Variants in MAST4 observed in about 807,000 individuals in gnomAD.
MAST4 encodes the protein microtubule associated serine/threonine kinase family member 4.
A neutral mutation model predicts 162.7 loss-of-function variants in MAST4; 89 were observed. That is an observed-to-expected ratio of 0.55 (90% CI 0.46 to 0.65). MAST4 has a LOEUF of 0.65. Among genes scored for constraint, MAST4 ranks in the 30% least tolerant of loss-of-function variants. The pLI is 0.00. For missense variants in MAST4, 3,153 were observed against 3,374.0 expected (o/e 0.93, Z 1.62); for synonymous variants, 1,479 against 1,361.1 (o/e 1.09, Z -1.91).
chr5:66,701,760 T>G (rs2149511795), intron 1 of MAST4, among the ~76,000 whole-genome samples: 1 of 152,260 alleles, frequency 6.6e-6, no homozygotes, highest in East Asian at 1.9e-4. Context: ...TTTTTTAACC[T>G]CCATCTATTA....
intron 1 of MAST4, among the ~76,000 whole-genome samples, chr5:66,755,340 G>C (rs1424774410): frequency 6.6e-6 from 1 of 152,194 alleles, no homozygotes; most frequent in African/African-American, 2.4e-5. Flanking sequence ...TTCTCTTTCT[G>C]CTTATATGAC....
chr5:67,083,083 A>C (rs764635225), intron 5 of MAST4, among the ~76,000 whole-genome samples: 2 of 152,330 alleles, frequency 1.3e-5, no homozygotes, highest in African/African-American at 4.8e-5. Context: ...CTACAGGCCA[A>C]GAGTTTCCAA....
chr5:66,751,889 A>T (rs1753198284), intron 1 of MAST4, among the ~76,000 whole-genome samples: 1 of 149,948 alleles, frequency 6.7e-6, no homozygotes, highest in African/African-American at 2.5e-5. Flanking sequence ...AAGGGCAGCC[A>T]GAGAGAAAGG....
chr5:67,082,960 G>C (rs1298147249), intron 5 of MAST4, among the ~76,000 whole-genome samples: 1 of 152,194 alleles, frequency 6.6e-6, no homozygotes, highest in South Asian at 2.1e-4. Context: ...CTGGGTGTTA[G>C]CATTTTTAAA....
intron 4 of MAST4, among the ~76,000 whole-genome samples, chr5:67,013,969 T>C (rs1275757763): frequency 1.3e-5 from 2 of 152,190 alleles, no homozygotes; most frequent in Non-Finnish European, 2.9e-5. Flanking sequence ...ACTTGAGATA[T>C]AATTCCTGTA....
At chr5:66,800,385 CT>C (rs1469020963) in intron 3 of MAST4, among the ~76,000 whole-genome samples, 3 of 152,152 alleles carry the variant, frequency 2.0e-5, no homozygotes, top group African/African-American at 7.2e-5. Context: ...AGATCATGTC[CT>C]TTGCAGAAAC....
At chr5:66,834,801 C>T (rs1488965944) in intron 3 of MAST4, among the ~76,000 whole-genome samples, 3 of 152,186 alleles carry the variant, frequency 2.0e-5, no homozygotes, top group Non-Finnish European at 4.4e-5. Context: ...GTTAGTTCAT[C>T]GCCTTCCATT....
chr5:66,661,207 C>G (rs1746887687), intron 1 of MAST4, among the ~76,000 whole-genome samples: 1 of 152,168 alleles, frequency 6.6e-6, no homozygotes, highest in African/African-American at 2.4e-5. Flanking sequence ...CAGTCCACAG[C>G]TGGTACAGTG....
At chr5:66,721,028 C>T (rs1331692269) in intron 1 of MAST4, among the ~76,000 whole-genome samples, 3 of 152,134 alleles carry the variant, frequency 2.0e-5, no homozygotes, top group Non-Finnish European at 4.4e-5. Context: ...CAGTCCTTTC[C>T]TGTTCCCCAT....
chr5:66,836,494 A>G (rs997537141), intron 3 of MAST4, among the ~76,000 whole-genome samples: 1 of 152,164 alleles, frequency 6.6e-6, no homozygotes, highest in African/African-American at 2.4e-5. Context: ...ACATGCACGC[A>G]TGTGTTCATT....
At chr5:67,025,417 A>G (rs1313761834) in intron 4 of MAST4, among the ~76,000 whole-genome samples, 4 of 152,222 alleles carry the variant, frequency 2.6e-5, no homozygotes, top group Non-Finnish European at 5.9e-5. Context: ...AGGAAATGTT[A>G]CATTTCAGTT....
In MAST4 at chr5:67,033,688, C is replaced by T. The variant is rs528637092; in HGVS notation, c.675-20716C>T. 9.2e-5 allele frequency among the ~76,000 whole-genome samples: 14 copies of T among 152,214 alleles called. 1 individual carries two copies. The highest frequency in any genetic ancestry group is 7.9e-4 in the Admixed American group (12 of 15,286). ...ATAAGCTGATTAACTTTGACTCTCC[C>T]GTGGGAAGACAGTCTGCCTGTGGGT... On this transcript the variant is annotated intron_variant, in intron 4 of 28. Transcript: ENST00000403625.
chr5:66,884,927 A>G (rs751806162), intron 3 of MAST4, among the ~76,000 whole-genome samples: 1 of 152,178 alleles, frequency 6.6e-6, no homozygotes, highest in Admixed American at 6.5e-5. Context: ...GTCTTCCCCC[A>G]TATACCTCTG....
intron 1 of MAST4, among the ~76,000 whole-genome samples, chr5:66,692,411 CT>C (rs34946179): frequency 0.28 from 40,728 of 145,150 alleles, 5,447 homozygotes; most frequent in African/African-American, 0.32. Context: ...CTCTTGCTCT[CT>C]TTTTTTTTTT....
At chr5:66,715,732 GAAA>G (rs34012737) in intron 1 of MAST4, among the ~76,000 whole-genome samples, 27,226 of 125,172 alleles carry the variant, frequency 0.22, 2,735 homozygotes, top group Non-Finnish European at 0.26. Context: ...GCCATGACAG[GAAA>G]AAAAAAAAAA....
intron 3 of MAST4, among the ~76,000 whole-genome samples, chr5:66,815,990 T>A (rs572075304): frequency 6.6e-6 from 1 of 152,168 alleles, no homozygotes; most frequent in Non-Finnish European, 1.5e-5. Flanking sequence ...AGTCATGTAA[T>A]GTCTTCAGTA....
intron 3 of MAST4, among the ~76,000 whole-genome samples, chr5:66,835,497 G>A (rs1305600984): frequency 6.6e-6 from 1 of 151,960 alleles, no homozygotes; most frequent in East Asian, 1.9e-4. Flanking sequence ...GATTTCTCAC[G>A]ATGACCCAAA....
intron 3 of MAST4, among the ~76,000 whole-genome samples, chr5:66,857,706 A>C (rs1161478088): frequency 6.6e-6 from 1 of 152,130 alleles, no homozygotes; most frequent in African/African-American, 2.4e-5. Flanking sequence ...GTTGGGTCAT[A>C]TATTTTGTCC....
intron 21 of MAST4, chr5:67,142,758 CAG>C (rs1770555749): frequency 2.4e-6 from 1 of 425,300 alleles, no homozygotes; most frequent in Non-Finnish European, 4.2e-6. Flanking sequence ...TGTGAGACAA[CAG>C]AGATTCAGAT....
Sources: gnomAD v4.1 joint callset for allele counts (sites outside exome capture counted in the v4.1 genomes callset) on GRCh38, gnomAD v4.1.1 for gene constraint, MANE v1.5 for transcripts, NCBI Gene and HGNC (gene_info 2026-07-23, HGNC 2026-07-21) for gene names.